Variants in MTFMT observed in about 807,000 individuals in gnomAD.
MTFMT encodes the protein methionyl-tRNA formyltransferase, mitochondrial.
In MTFMT, 47 loss-of-function variants were observed where a neutral mutation model predicts 51.8. The observed-to-expected ratio is 0.91, with a 90% CI of 0.72 to 1.16. MTFMT has a LOEUF of 1.16. Ranked by LOEUF, MTFMT falls within the 50% of genes most tolerant of loss-of-function variation. MTFMT has a pLI of 0.00. For synonymous variants in MTFMT, 196 were observed against 176.7 expected (o/e 1.11, Z -0.87); for missense variants, 512 against 482.3 (o/e 1.06, Z -0.58).
intron 6 of MTFMT, among the ~76,000 whole-genome samples, chr15:65,007,165 T>C (rs2086225825): frequency 6.6e-6 from 1 of 152,246 alleles, no homozygotes; most frequent in Non-Finnish European, 1.5e-5. Flanking sequence ...ATTCAATCTG[T>C]GAGGTGGGAG....
At chr15:65,010,435 AC>A (rs2086254601) in intron 6 of MTFMT, among the ~76,000 whole-genome samples, 1 of 152,278 alleles carries the variant, frequency 6.6e-6, no homozygotes, top group East Asian at 1.9e-4. Context: ...CCTATTTTGG[AC>A]ATTTCATATA....
At chr15:65,021,857 T>C (rs1219386365) in intron 3 of MTFMT, among the ~76,000 whole-genome samples, 1 of 152,192 alleles carries the variant, frequency 6.6e-6, no homozygotes, top group African/African-American at 2.4e-5. Context: ...GCTATTAATT[T>C]GGCTGTTAGA....
In MTFMT at chr15:65,006,127, C is replaced by T. The variant is rs587777418; in HGVS notation, c.878G>A (p.Ser293Asn). Residue 293 changes from serine (S) to asparagine (N), a missense_variant, in exon 7 of 9, where the codon AGT (serine) becomes AAT (asparagine). By Grantham distance (46) the Ser-to-Asn change is conservative (BLOSUM62 1). Coordinates refer to ENST00000220058, the MANE Select transcript of MTFMT (RefSeq NM_139242.4). ...AAAGTTAGTACCAGCAAGGACTGAACTGTTAACTTCTACCAAATCCAGAAG... is the reference window on the plus strand; with the variant it reads ...AAAGTTAGTACCAGCAAGGACTGAATTGTTAACTTCTACCAAATCCAGAAG... ...IKLLDLVEVN[S>N]SVLADPKLTG... The T allele has an allele frequency of 1.9e-6, 3 of 1,612,592 alleles. No homozygotes were observed. The highest frequency in any genetic ancestry group is 1.1e-5 in the South Asian group (1 of 91,040).
At chr15:65,026,708 G>T in intron 2 of MTFMT, 123 bp downstream of exon 2, 1 of 810,236 alleles carries the variant, frequency 1.2e-6, no homozygotes, top group Non-Finnish European at 1.9e-6. Context: ...AAAATAAAAT[G>T]GTAAAAATAA....
Position 65,025,250 on chromosome 15 carries a change from A to AAAG in MTFMT, c.420-1459_420-1457dup, listed in dbSNP as rs1555404058. On this transcript the variant is annotated intron_variant, in intron 2 of 8. Transcript: ENST00000220058. ...GTCTCTAAAAAAAAAAAAAAAAAAA[A>AAAG]AAGAGTTAGCTGGGTGTGTTGGCAC... is the stretch of plus-strand genomic sequence containing the variant. 5.1e-3 allele frequency among the ~76,000 whole-genome samples: 772 copies of AAAG among 151,178 alleles called. 8 individuals carry two copies. Among genetic ancestry groups the AAAG allele is most frequent in the African/African-American group, 0.018 (722 of 41,072 alleles).
intron 1 of MTFMT, among the ~76,000 whole-genome samples, chr15:65,027,291 A>G (rs2086434160): frequency 6.6e-6 from 1 of 150,770 alleles, no homozygotes; most frequent in Non-Finnish European, 1.5e-5. Context: ...TCTGCCCCCT[A>G]GGTTCAAGCG....
chr15:65,012,713 T>G (rs1221526286), intron 6 of MTFMT, among the ~76,000 whole-genome samples: 1 of 152,186 alleles, frequency 6.6e-6, no homozygotes, highest in South Asian at 2.1e-4. Context: ...TTCTAGACCC[T>G]TAATTCGATT....
In MTFMT at chr15:65,002,993, A is replaced by G. The variant is rs2086188669; in HGVS notation, c.*69T>C. ...AAAAAAAAAAAAAAAAAGTCCAGAT[A>G]ATTCCTTGTAAATAAGGTTTTTAAT... On this transcript the variant is annotated 3_prime_UTR_variant, in exon 9 of 9. Transcript: ENST00000220058. 3.1e-6 allele frequency: 3 copies of G among 957,000 alleles called. No individual in the cohort carries two copies. Among genetic ancestry groups the G allele is most frequent in the Non-Finnish European group, 4.3e-6 (3 of 701,434 alleles). 59.3% of individuals were successfully genotyped at this position (957,000 alleles called of 1,614,324 possible).
intron 6 of MTFMT, among the ~76,000 whole-genome samples, chr15:65,015,302 T>C (rs924358125): frequency 6.6e-6 from 1 of 152,190 alleles, no homozygotes; most frequent in African/African-American, 2.4e-5. Flanking sequence ...GGATTTGAAG[T>C]AAGATAGATC....
intron 5 of MTFMT, among the ~76,000 whole-genome samples, chr15:65,017,906 C>G (rs547551661): frequency 6.6e-6 from 1 of 152,062 alleles, no homozygotes; most frequent in South Asian, 2.1e-4. Flanking sequence ...TTTATGCCAC[C>G]TTTTGTGAAG....
At chr15:65,025,807 C>T (rs978300518) in intron 2 of MTFMT, among the ~76,000 whole-genome samples, 4 of 152,050 alleles carry the variant, frequency 2.6e-5, no homozygotes, top group African/African-American at 9.7e-5. Context: ...CCGAGCTGAG[C>T]TAGAGGGACC....
At chr15:65,004,098 C>A (rs1482739850) in intron 8 of MTFMT, among the ~76,000 whole-genome samples, 1 of 151,848 alleles carries the variant, frequency 6.6e-6, no homozygotes, top group East Asian at 1.9e-4. Context: ...CTCACCACAA[C>A]CTCCGCTTCC....
Position 65,016,638 on chromosome 15 carries a change from T to G in MTFMT, c.722-111A>C, listed in dbSNP as rs2086324557. The G allele has an allele frequency of 2.8e-5, 15 of 543,352 alleles. No individual in the cohort carries two copies. In the East Asian group the frequency reaches 4.8e-4, roughly 17 times the overall value. 33.7% of individuals were successfully genotyped at this position (543,352 alleles called of 1,614,324 possible). A position where few individuals can be genotyped will look rare whatever the true frequency, so the allele number is the denominator to read the frequency against. On this transcript the variant is annotated intron_variant, in intron 5 of 8. Coordinates refer to ENST00000220058, the MANE Select transcript of MTFMT (RefSeq NM_139242.4). ...GAGAATTCATTCTAACCTCTCAACT[T>G]TTCTTTATGTTCAAAATTTTCCATA... is the stretch of plus-strand genomic sequence containing the variant.
Position 65,029,448 on chromosome 15 carries a change from C to T in MTFMT, c.166G>A (p.Asp56Asn). The T allele has an allele frequency of 2.0e-6, 3 of 1,527,182 alleles. No individual in the cohort carries two copies. The highest frequency in any genetic ancestry group is 1.2e-5 in the South Asian group (1 of 81,672). 94.6% of individuals were successfully genotyped at this position (1,527,182 alleles called of 1,614,324 possible). The change falls in exon 1 of 9, where the codon GAC becomes AAC. Residue 56 changes from aspartate (D) to asparagine (N), a missense_variant. Physicochemically the swap from Asp to Asn is conservative, Grantham distance 23. Transcript: ENST00000220058. The part of the protein sequence containing the change: ...PPWRVLFFGT[D>N]QFAREALRAL... ...CGCAGCGCCTCGCGGGCGAACTGGT[C>T]CGTGCCGAAGAAGAGCACCCGCCAG...
chr15:65,021,974 A>G (rs555113548), intron 3 of MTFMT, among the ~76,000 whole-genome samples: 1 of 152,396 alleles, frequency 6.6e-6, no homozygotes, highest in African/African-American at 2.4e-5. Flanking sequence ...ATACAGTTGC[A>G]TATCAGGAAT....
chr15:65,021,549 AT>A lies in MTFMT; in HGVS notation c.609del (p.Glu203AspfsTer18). 6.2e-7 allele frequency: 1 copy of A among 1,610,164 alleles called. No individual in the cohort carries two copies. Among genetic ancestry groups the A allele is most frequent in the East Asian group, 2.2e-5 (1 of 44,824 alleles). ...VPVPPKSTAK[E>X]LEAVLSRLGA... ...CCCAGTCTTGACAACACTGCTTCCA[AT>A]TCCTTTGCAGTGCTCTTGGGTGGCA... On this transcript the variant is annotated frameshift_variant, in exon 4 of 9. Transcript: ENST00000220058. LOFTEE classifies it high-confidence loss of function.
intron 8 of MTFMT, among the ~76,000 whole-genome samples, chr15:65,004,574 C>T (rs546898629): frequency 7.9e-5 from 12 of 152,246 alleles, no homozygotes; most frequent in African/African-American, 2.9e-4. Context: ...AGCACAAGAG[C>T]TGTTAATTAA....
chr15:65,017,294 T>C (rs1377272248), intron 5 of MTFMT, among the ~76,000 whole-genome samples: 1 of 151,744 alleles, frequency 6.6e-6, no homozygotes, highest in Non-Finnish European at 1.5e-5. Flanking sequence ...GAAATGCAAA[T>C]AGTTCTTAAA....
chr15:65,026,954 T>C lies in MTFMT; in HGVS notation c.296A>G (p.Tyr99Cys), dbSNP rs1325117498. 2 of 1,613,916 alleles carry C rather than the reference T, an allele frequency of 1.2e-6. No homozygotes were observed. The highest frequency in any genetic ancestry group is 2.7e-5 in the African/African-American group (2 of 74,932). Residue 99 changes from tyrosine (Y) to cysteine (C), a missense_variant, in exon 2 of 9, where the codon TAT (tyrosine) becomes TGT (cysteine). Transcript: ENST00000220058. Reference sequence around the variant, plus strand: ...TACGGGAAGCTGAGACTGCACAGCATATTGCTTCACTGGCAGTCCTTTTGG... The same window carrying C: ...TACGGGAAGCTGAGACTGCACAGCACATTGCTTCACTGGCAGTCCTTTTGG... ...PSPKGLPVKQYAVQSQLPVYE... is the reference protein window; with the variant it reads ...PSPKGLPVKQCAVQSQLPVYE...
Sources: gnomAD v4.1 joint callset for allele counts (sites outside exome capture counted in the v4.1 genomes callset) on GRCh38, gnomAD v4.1.1 for gene constraint, MANE v1.5 for transcripts, NCBI Gene and HGNC (gene_info 2026-07-23, HGNC 2026-07-21) for gene names.